The following EYS variants were observed in gnomAD, a reference collection of about 807,000 sequenced individuals.
EYS encodes protein eyes shut homolog.
In EYS, 250 loss-of-function variants were observed where a neutral mutation model predicts 282.1. The observed-to-expected ratio is 0.89, with a 90% CI of 0.80 to 0.98. EYS has a LOEUF of 0.98. Ranked by LOEUF, EYS falls within the 50% of genes least tolerant of loss-of-function variation. The pLI is 0.00. For synonymous variants in EYS, 1,355 were observed against 1,282.9 expected (o/e 1.06, Z -1.20); for missense variants, 4,016 against 3,709.0 (o/e 1.08, Z -2.15).
chr6:65,650,369 A>G (rs9342493), intron 1 of EYS, among the ~76,000 whole-genome samples: 7,616 of 152,248 alleles, frequency 0.05, 414 homozygotes, highest in East Asian at 0.3. Flanking sequence ...TCACAATTAA[A>G]CTAAAATCTA....
chr6:63,978,689 A>G (rs1325880377), intron 35 of EYS, among the ~76,000 whole-genome samples: 1 of 152,084 alleles, frequency 6.6e-6, no homozygotes, highest in African/African-American at 2.4e-5. Flanking sequence ...TGTGTGAGGG[A>G]TTGCAACTTA....
At chr6:65,298,825 TACCA>T (rs1255814028) in intron 11 of EYS, among the ~76,000 whole-genome samples, 4 of 151,596 alleles carry the variant, frequency 2.6e-5, no homozygotes, top group Admixed American at 6.6e-5. Flanking sequence ...ATGTCTGAGA[TACCA>T]ATCCAAATTA....
At chr6:64,598,378 G>A (rs1766655197) in intron 24 of EYS, among the ~76,000 whole-genome samples, 1 of 152,102 alleles carries the variant, frequency 6.6e-6, no homozygotes, top group Admixed American at 6.5e-5. Context: ...GGAGAATGGC[G>A]TGAACCTGCG....
At position 65,013,072 on chromosome 6, in the gene EYS, C is replaced by T. The variant is rs570104036; in HGVS notation, c.2138-15369G>A. Among the ~76,000 whole-genome samples the T allele has an allele frequency of 2.6e-5, 4 of 152,214 alleles. No homozygotes were observed. The East Asian group carries it at 7.7e-4, about 29-fold the overall frequency. ...AAATTGCATTGAACAAACATCTACT[C>T]ATGCAGAAAAAATGAATTGTCTTTA... On this transcript the variant is annotated intron_variant, in intron 13 of 42. Coordinates refer to ENST00000503581, the MANE Select transcript of EYS (RefSeq NM_001142800.2).
chr6:65,394,713 C>G (rs1390439356), intron 7 of EYS, among the ~76,000 whole-genome samples: 2 of 152,114 alleles, frequency 1.3e-5, no homozygotes, highest in Admixed American at 6.6e-5. Context: ...TCCAAGTCAT[C>G]CCTCACTGTG....
chr6:64,557,651 A>C (rs116096139), intron 26 of EYS, among the ~76,000 whole-genome samples: 67 of 152,190 alleles, frequency 4.4e-4, no homozygotes, highest in Non-Finnish European at 8.4e-4. Context: ...AAATATAAAA[A>C]TGTATTAACT....
Position 64,081,573 on chromosome 6 carries a change from G to A in EYS, c.6571+283C>T, listed in dbSNP as rs115838659. On this transcript the variant is annotated intron_variant, in intron 32 of 42. Coordinates refer to ENST00000503581, the MANE Select transcript of EYS (RefSeq NM_001142800.2). ...CATAAAAGTATGCTCTGAAACATTT[G>A]CAGCATTTGTTTTACTGCTATAGCC... Among the ~76,000 whole-genome samples the A allele has an allele frequency of 4.6e-3, 707 of 152,228 alleles. 4 individuals carry two copies. The highest frequency in any genetic ancestry group is 8.4e-3 in the Non-Finnish European group (569 of 67,996).
chr6:63,776,248 T>G (rs920921708), intron 40 of EYS, among the ~76,000 whole-genome samples: 1 of 152,152 alleles, frequency 6.6e-6, no homozygotes, highest in Non-Finnish European at 1.5e-5. Flanking sequence ...TTTTTTAAAA[T>G]TAAGATGAAA....
intron 8 of EYS, among the ~76,000 whole-genome samples, chr6:65,355,743 A>G (rs1238523511): frequency 6.6e-6 from 1 of 152,096 alleles, no homozygotes; most frequent in African/African-American, 2.4e-5. Flanking sequence ...AACATCACCA[A>G]TCATCAGAGA....
At chr6:65,028,517 G>T (rs541813447) in intron 13 of EYS, among the ~76,000 whole-genome samples, 34 of 151,892 alleles carry the variant, frequency 2.2e-4, no homozygotes, top group Non-Finnish European at 4.7e-4. Flanking sequence ...CATAAAATTT[G>T]CTGAGAGTAG....
intron 28 of EYS, among the ~76,000 whole-genome samples, chr6:64,397,747 GT>G (rs1161102934): frequency 3.3e-5 from 5 of 151,722 alleles, no homozygotes; most frequent in African/African-American, 9.7e-5. Flanking sequence ...TCCATTCTCT[GT>G]TTTCTACTTC....
At chr6:63,966,391 A>T (rs1766309740) in intron 35 of EYS, among the ~76,000 whole-genome samples, 1 of 152,172 alleles carries the variant, frequency 6.6e-6, no homozygotes, top group African/African-American at 2.4e-5. Context: ...GGGATAAAAG[A>T]CTACAAATAT....
intron 26 of EYS, among the ~76,000 whole-genome samples, chr6:64,452,696 A>G (rs1305716641): frequency 1.3e-5 from 2 of 152,188 alleles, no homozygotes; most frequent in Non-Finnish European, 1.5e-5. Flanking sequence ...GCCCTCAGAA[A>G]TAATGCCGCA....
At chr6:63,754,783 G>C (rs1008180481) in intron 41 of EYS, among the ~76,000 whole-genome samples, 1 of 152,124 alleles carries the variant, frequency 6.6e-6, no homozygotes, top group Non-Finnish European at 1.5e-5. Context: ...TTCTACAATG[G>C]TTGAACTAAT....
At chr6:65,497,015 A>C (rs1766280111) in intron 2 of EYS, among the ~76,000 whole-genome samples, 1 of 152,078 alleles carries the variant, frequency 6.6e-6, no homozygotes, top group Non-Finnish European at 1.5e-5. Flanking sequence ...AATAACACAA[A>C]TATGCATATA....
chr6:64,776,378 C>A lies in EYS; in HGVS notation c.3443+37000G>T, dbSNP rs750587952. 3.3e-5 allele frequency among the ~76,000 whole-genome samples: 5 copies of A among 151,954 alleles called. No individual in the cohort carries two copies. The East Asian group carries it at 7.7e-4, about 23-fold the overall frequency. On this transcript the variant is annotated intron_variant, in intron 22 of 42. Transcript: ENST00000503581. Reference sequence around the variant, plus strand: ...TATACTGACAGAACTGCAGGGTTTACGCCAATCTATAACACCAGACAAAGA... The same window carrying A: ...TATACTGACAGAACTGCAGGGTTTAAGCCAATCTATAACACCAGACAAAGA...
chr6:64,214,041 C>T (rs1366207966), intron 31 of EYS, among the ~76,000 whole-genome samples: 1 of 152,060 alleles, frequency 6.6e-6, no homozygotes, highest in East Asian at 1.9e-4. Flanking sequence ...TTTATCACCT[C>T]TACAAAAAGT....
At chr6:65,306,072 A>C (rs1211208439) in intron 11 of EYS, among the ~76,000 whole-genome samples, 1 of 152,226 alleles carries the variant, frequency 6.6e-6, no homozygotes, top group Non-Finnish European at 1.5e-5. Flanking sequence ...AGGAATAAGC[A>C]TGATGGAAAT....
intron 22 of EYS, among the ~76,000 whole-genome samples, chr6:64,674,614 G>C (rs1183833671): frequency 6.6e-6 from 1 of 151,912 alleles, no homozygotes; most frequent in Non-Finnish European, 1.5e-5. Flanking sequence ...CCAACACACT[G>C]TTAATTGCCT....
Sources: allele counts gnomAD v4.1 joint callset (sites outside exome capture counted in the v4.1 genomes callset), GRCh38; gene constraint gnomAD v4.1.1; transcripts MANE v1.5; gene names NCBI Gene and HGNC (gene_info 2026-07-23, HGNC 2026-07-21).